The following SYNE2 variants were observed in gnomAD, a reference collection of about 807,000 sequenced individuals.
SYNE2 encodes the protein nesprin-2.
SYNE2 carries 431 observed loss-of-function variants against 856.3 expected under a neutral mutation model. The observed-to-expected ratio is 0.50, with a 90% CI of 0.47 to 0.55. The LOEUF is 0.55. SYNE2 is among the 20% of genes least tolerant of loss of function. The probability of loss-of-function intolerance (pLI) is 0.00; values close to 1 mark genes in which losing one functional copy is unlikely to be tolerated. For missense variants in SYNE2, 8,129 were observed against 8,023.2 expected (o/e 1.01, Z -0.50); for synonymous variants, 2,923 against 2,872.3 (o/e 1.02, Z -0.56).
intron 47 of SYNE2, among the ~76,000 whole-genome samples, chr14:64,051,246 G>A (rs1352679639): frequency 6.6e-6 from 1 of 151,104 alleles, no homozygotes; most frequent in African/African-American, 2.4e-5. Context: ...ATATTTTTAT[G>A]TACATTCTTC....
intron 57 of SYNE2, among the ~76,000 whole-genome samples, chr14:64,082,617 C>T (rs1393733414): frequency 6.6e-6 from 1 of 152,140 alleles, no homozygotes; most frequent in Non-Finnish European, 1.5e-5. Context: ...GAATGATCTT[C>T]AAAGAGAACC....
intron 1 of SYNE2, among the ~76,000 whole-genome samples, chr14:63,893,899 A>G (rs901715918): frequency 1.3e-5 from 2 of 152,142 alleles, no homozygotes; most frequent in Non-Finnish European, 2.9e-5. Flanking sequence ...GAAGGGTCTA[A>G]CGAGCTAGGC....
intron 1 of SYNE2, among the ~76,000 whole-genome samples, chr14:63,817,635 C>T (rs1889045783): frequency 6.6e-6 from 1 of 152,118 alleles, no homozygotes; most frequent in Non-Finnish European, 1.5e-5. Flanking sequence ...ACCAATGTAA[C>T]ATATTAACAA....
At chr14:64,114,040 A>T (rs536939101) in intron 66 of SYNE2, among the ~76,000 whole-genome samples, 2 of 152,244 alleles carry the variant, frequency 1.3e-5, no homozygotes, top group African/African-American at 2.4e-5. Flanking sequence ...ATTTTATTCA[A>T]TTTTAGTAAG....
chr14:63,893,076 G>T (rs924352572), intron 1 of SYNE2, among the ~76,000 whole-genome samples: 1 of 151,952 alleles, frequency 6.6e-6, no homozygotes, highest in African/African-American at 2.4e-5. Context: ...GTGTTTTGGG[G>T]CAGCCAAAGT....
At chr14:63,789,417 A>AT (rs1887652651) in intron 1 of SYNE2, among the ~76,000 whole-genome samples, 1 of 152,032 alleles carries the variant, frequency 6.6e-6, no homozygotes, top group South Asian at 2.1e-4. Context: ...ATTTTGTTTC[A>AT]TTTTGTTTGC....
chr14:64,089,602 A>G lies in SYNE2; in HGVS notation c.11699A>G (p.Lys3900Arg). ...DDVVAIESEVKSMEKRVSKIK... is the reference protein window; with the variant it reads ...DDVVAIESEVRSMEKRVSKIK... ...GTGGTTGCTATTGAATCTGAAGTAAAATCAATGGAAAAAAGAGTTTCAAAA... is the reference window on the plus strand; with the variant it reads ...GTGGTTGCTATTGAATCTGAAGTAAGATCAATGGAAAAAAGAGTTTCAAAA... Residue 3900 changes from lysine (K) to arginine (R), a missense_variant, in exon 59 of 116, where the codon AAA (lysine) becomes AGA (arginine). Lys to Arg is a conservative substitution (Grantham distance 26, BLOSUM62 2). Transcript: ENST00000555002. The G allele has an allele frequency of 2.5e-6, 4 of 1,610,558 alleles. No individual in the cohort carries two copies. The highest frequency in any genetic ancestry group is 3.4e-6 in the Non-Finnish European group (4 of 1,177,552).
chr14:64,054,821 A>G (rs933715113), intron 48 of SYNE2, among the ~76,000 whole-genome samples: 1 of 152,190 alleles, frequency 6.6e-6, no homozygotes, highest in Non-Finnish European at 1.5e-5. Context: ...AATTTTTAGA[A>G]GTGGAAGTTA....
At chr14:64,165,200 A>AT (rs145658367) in intron 89 of SYNE2, 85 bp from the exon 90 acceptor site, 24,440 of 1,486,668 alleles carry the variant, frequency 0.016, 897 homozygotes, top group East Asian at 0.12. Flanking sequence ...AACATCTTGA[A>AT]TTTTTAGCAG....
At chr14:64,126,572 A>G (rs772912710) in intron 72 of SYNE2, 26 bp from the exon 73 acceptor site, 2 of 1,614,184 alleles carry the variant, frequency 1.2e-6, no homozygotes, top group Non-Finnish European at 8.5e-7. Flanking sequence ...GAGCTCATTC[A>G]TTGTCTTCCT....
At chr14:64,221,547 G>T (rs376388937) in intron 111 of SYNE2, 29 bp from the exon 112 acceptor site, 5 of 1,614,026 alleles carry the variant, frequency 3.1e-6, no homozygotes, top group Non-Finnish European at 4.2e-6. Context: ...TCTAAGACAC[G>T]GCCGCGCTCT....
intron 70 of SYNE2, 127 bp downstream of exon 70, chr14:64,122,554 C>A (rs996597111): frequency 3.1e-6 from 4 of 1,274,122 alleles, no homozygotes; most frequent in Non-Finnish European, 4.5e-6. Context: ...TTGGCTGATA[C>A]ATTTTCTTGA....
At chr14:64,150,647 A>T (rs1384564744) in intron 84 of SYNE2, among the ~76,000 whole-genome samples, 1 of 152,202 alleles carries the variant, frequency 6.6e-6, no homozygotes, top group Non-Finnish European at 1.5e-5. Context: ...ATGACAGCTT[A>T]TTAGTAAATA....
At chr14:64,022,158 T>G in intron 37 of SYNE2, 130 bp downstream of exon 37, 1 of 873,788 alleles carries the variant, frequency 1.1e-6, no homozygotes, top group Non-Finnish European at 1.8e-6. Flanking sequence ...GAAATAATAA[T>G]CAGATAAATC....
intron 68 of SYNE2, among the ~76,000 whole-genome samples, chr14:64,121,360 A>C (rs2097896884): frequency 6.6e-6 from 1 of 152,020 alleles, no homozygotes; most frequent in Non-Finnish European, 1.5e-5. Context: ...AGCTCTACTA[A>C]AAATACAAAA....
chr14:64,035,179 G>A (rs1233452661), intron 45 of SYNE2, among the ~76,000 whole-genome samples: 1 of 151,890 alleles, frequency 6.6e-6, no homozygotes, highest in Non-Finnish European at 1.5e-5. Context: ...GAAGGCATTT[G>A]TAGATAAATC....
intron 112 of SYNE2, 64 bp from the exon 113 acceptor site, chr14:64,223,122 ACCT>A: frequency 2.5e-6 from 4 of 1,581,296 alleles, no homozygotes; most frequent in Non-Finnish European, 2.6e-6. Flanking sequence ...ACTGAGAAAA[ACCT>A]CCTGTGTCCA....
Position 63,981,056 on chromosome 14 carries a change from T to A in SYNE2, c.1719T>A (p.Asn573Lys), listed in dbSNP as rs2153473248. 6.3e-7 allele frequency: 1 copy of A among 1,593,104 alleles called. No individual in the cohort carries two copies. The highest frequency in any genetic ancestry group is 8.6e-7 in the Non-Finnish European group (1 of 1,161,404). Residue 573 changes from asparagine (N) to lysine (K), a missense_variant, in exon 16 of 116, where the codon AAT becomes AAA. By Grantham distance (94) the Asn-to-Lys change is moderately conservative (BLOSUM62 0). Coordinates refer to ENST00000555002, the MANE Select transcript of SYNE2 (RefSeq NM_182914.3). ...CTGATGTTTGTATGTATAGAAAAAA[T>A]ATATATAATGTGAAGTCCACTCTAC... ...VKSDVCMYRK[N>K]IYNVKSTLQK...
At chr14:63,922,147 C>A (rs1197766136) in intron 2 of SYNE2, among the ~76,000 whole-genome samples, 1 of 151,996 alleles carries the variant, frequency 6.6e-6, no homozygotes, top group African/African-American at 2.4e-5. Flanking sequence ...GGGACTATAG[C>A]TGTGCGCCAC....
Sources: allele counts gnomAD v4.1 joint callset (sites outside exome capture counted in the v4.1 genomes callset), GRCh38; gene constraint gnomAD v4.1.1; transcripts MANE v1.5; gene names NCBI Gene and HGNC (gene_info 2026-07-23, HGNC 2026-07-21).